The following OC90 variants were observed in gnomAD, a reference collection of about 807,000 sequenced individuals.
OC90 encodes the protein otoconin 90.
A neutral mutation model predicts 47.3 loss-of-function variants in OC90; 46 were observed. The ratio of observed to expected loss-of-function variants is 0.97; its 90% CI spans 0.77 to 1.24. OC90 has a LOEUF of 1.24. Ranked by LOEUF, OC90 falls within the 50% of genes most tolerant of loss-of-function variation. The pLI, the probability that OC90 is intolerant of heterozygous loss-of-function variation, is 0.00. For synonymous variants in OC90, 271 were observed against 219.5 expected, an observed-to-expected ratio of 1.23 and a Z score of -2.07; for missense variants, 688 against 583.9, an observed-to-expected ratio of 1.18 and a Z score of -1.84.
chr8:132,042,954 C>A (rs1823075939), intron 4 of OC90, among the ~76,000 whole-genome samples: 1 of 152,226 alleles, frequency 6.6e-6, no homozygotes, highest in African/African-American at 2.4e-5. Context: ...GTCAAAAAGA[C>A]ACATGCATCT....
In OC90 at chr8:132,043,858, A is replaced by G. The variant is rs1792348189; in HGVS notation, c.169+575T>C. Among the ~76,000 whole-genome samples the G allele has an allele frequency of 2.0e-5, 3 of 152,336 alleles. No individual in the cohort carries two copies. The South Asian group carries it at 6.2e-4, about 32-fold the overall frequency. ...ACAGCCTTATGCCCAGCATGGCCCGACCCAAAAGTAATTCTGAGTGTCTTT... is the reference window on the plus strand; with the variant it reads ...ACAGCCTTATGCCCAGCATGGCCCGGCCCAAAAGTAATTCTGAGTGTCTTT... On this transcript the variant is annotated intron_variant, in intron 4 of 13. Transcript: ENST00000254627.
intron 9 of OC90, 70 bp from the exon 10 acceptor site, chr8:132,034,904 C>T: frequency 8.8e-7 from 1 of 1,137,982 alleles, no homozygotes; most frequent in Non-Finnish European, 1.3e-6. Context: ...TCCAGAGGCT[C>T]TTCCCACCCA....
chr8:132,031,981 T>A lies in OC90; in HGVS notation c.931A>T (p.Met311Leu), dbSNP rs755909986. 6.2e-7 allele frequency: 1 copy of A among 1,613,958 alleles called. No individual in the cohort carries two copies. Among genetic ancestry groups the A allele is most frequent in the Non-Finnish European group, 8.5e-7 (1 of 1,179,848 alleles). Residue 311 changes from methionine to leucine, a missense_variant, in exon 12 of 14, where the codon ATG (methionine) becomes TTG (leucine). Coordinates refer to ENST00000254627, the MANE Select transcript of OC90 (RefSeq NM_001080399.3). ...CACCGGGATGTCAGACAAAAGAGCATCTCTCCAAGCTGTGGCATCACCTGC... is the reference window on the plus strand; with the variant it reads ...CACCGGGATGTCAGACAAAAGAGCAACTCTCCAAGCTGTGGCATCACCTGC... ...NMQVMPQLGE[M>L]LFCLTSRCPE...
At chr8:132,056,712 A>T (rs1823283891) in intron 1 of OC90, among the ~76,000 whole-genome samples, 2 of 152,174 alleles carry the variant, frequency 1.3e-5, no homozygotes, top group Non-Finnish European at 1.5e-5. Flanking sequence ...GAGGTCTCCA[A>T]ATGGAAAGTG....
intron 2 of OC90, among the ~76,000 whole-genome samples, chr8:132,053,264 G>C (rs930293562): frequency 6.6e-6 from 1 of 152,104 alleles, no homozygotes; most frequent in African/African-American, 2.4e-5. Flanking sequence ...GCAATGATCT[G>C]TTTATGTAAC....
chr8:132,036,193 T>G (rs1190184739), intron 9 of OC90, among the ~76,000 whole-genome samples: 2 of 152,214 alleles, frequency 1.3e-5, no homozygotes, highest in Non-Finnish European at 2.9e-5. Context: ...CTGAGTGACT[T>G]GCAACTTTTA....
At chr8:132,030,773 A>T (rs1185721538) in intron 12 of OC90, among the ~76,000 whole-genome samples, 1 of 152,196 alleles carries the variant, frequency 6.6e-6, no homozygotes. Flanking sequence ...CTTCACTGAA[A>T]ATCTCAGAGG....
chr8:132,049,006 G>T (rs1448634145), intron 2 of OC90, among the ~76,000 whole-genome samples: 1 of 151,550 alleles, frequency 6.6e-6, no homozygotes, highest in Non-Finnish European at 1.5e-5. Context: ...ATTCCATGAT[G>T]AATTTGCTCC....
intron 5 of OC90, 126 bp from the exon 6 acceptor site, chr8:132,041,282 C>T (rs1823049323): frequency 1.5e-6 from 1 of 687,096 alleles, no homozygotes; most frequent in South Asian, 1.8e-5. Flanking sequence ...ATTCAGTGCA[C>T]TAAAATGAAG....
chr8:132,024,808 A>C (rs1822732478), intron 13 of OC90, 32 bp from the exon 14 acceptor site: 18 of 1,580,014 alleles, frequency 1.1e-5, no homozygotes, highest in Non-Finnish European at 1.6e-5. Flanking sequence ...AGAAGCCATG[A>C]GACCTCTGAG....
In OC90 at chr8:132,029,170, C is replaced by T; in HGVS notation, c.1041G>A (p.Leu347=). ...EPRDDLDRCC[L]SHHCCLEQVR... ...CTTGCTCTAGGCAGCAGTGATGGGA[C>T]AAGCAGCACCTAAGACCAAGGAAAA... Residue 347 remains leucine (L), a synonymous_variant, in exon 13 of 14, where the codon TTG becomes TTA. Transcript: ENST00000254627. The T allele has an allele frequency of 6.2e-7, 1 of 1,613,452 alleles. No homozygotes were observed. The highest frequency in any genetic ancestry group is 1.7e-4 in the Middle Eastern group (1 of 6,060).
At chr8:132,030,027 C>A (rs866548394) in intron 12 of OC90, among the ~76,000 whole-genome samples, 1 of 152,138 alleles carries the variant, frequency 6.6e-6, no homozygotes, top group Non-Finnish European at 1.5e-5. Flanking sequence ...TTAACTTTTC[C>A]GCATTGCTAG....
chr8:132,039,891 CT>C (rs1563731261), intron 6 of OC90, among the ~76,000 whole-genome samples: 1 of 152,166 alleles, frequency 6.6e-6, no homozygotes, highest in African/African-American at 2.4e-5. Context: ...AGAACCCCCC[CT>C]TTCCCTCCAC....
intron 4 of OC90, 104 bp from the exon 5 acceptor site, chr8:132,041,803 A>T (rs1823058592): frequency 1.6e-6 from 1 of 636,054 alleles, no homozygotes; most frequent in African/African-American, 1.8e-5. Context: ...GTGCCTTATC[A>T]ACCTAGTAAG....
intron 2 of OC90, among the ~76,000 whole-genome samples, chr8:132,048,417 ATGG>A (rs1379177149): frequency 0.01 from 1,529 of 152,092 alleles, 67 homozygotes; most frequent in African/African-American, 0.035. Flanking sequence ...TGGTTGGAGT[ATGG>A]AGACTAAGGC....
At chr8:132,028,020 T>C (rs1822783730) in intron 13 of OC90, among the ~76,000 whole-genome samples, 1 of 152,190 alleles carries the variant, frequency 6.6e-6, no homozygotes, top group Non-Finnish European at 1.5e-5. Context: ...AGAATAATAG[T>C]GCTACCTCGG....
rs995239068 is a variant in OC90 at position 132,025,601 on chromosome 8, A to T, written c.1139-825T>A. On this transcript the variant is annotated intron_variant, in intron 13 of 13. Coordinates refer to ENST00000254627, the MANE Select transcript of OC90 (RefSeq NM_001080399.3). The stretch of plus-strand genomic sequence containing the variant: ...CCCGGGGGAGGGATGAAAGGAAAAG[A>T]TTGAGGGAAAAAGACAGGAAATAGT... 5.3e-5 allele frequency among the ~76,000 whole-genome samples: 8 copies of T among 152,228 alleles called. No individual in the cohort carries two copies. The South Asian group carries it at 8.3e-4, about 16-fold the overall frequency.
At chr8:132,032,636 C>T (rs1194450504) in intron 11 of OC90, among the ~76,000 whole-genome samples, 1 of 152,164 alleles carries the variant, frequency 6.6e-6, no homozygotes, top group South Asian at 2.1e-4. Context: ...CCCAACAGGC[C>T]GTGGCCTCCT....
chr8:132,028,630 G>GA (rs1822808229), intron 13 of OC90, among the ~76,000 whole-genome samples: 1 of 111,088 alleles, frequency 9.0e-6, no homozygotes, highest in Admixed American at 1.0e-4. Flanking sequence ...AGGAAGGAAG[G>GA]AAGGAAAGAA....
Sources: gnomAD v4.1 joint callset for allele counts (sites outside exome capture counted in the v4.1 genomes callset) on GRCh38, gnomAD v4.1.1 for gene constraint, MANE v1.5 for transcripts, NCBI Gene and HGNC (gene_info 2026-07-23, HGNC 2026-07-21) for gene names.